The following ASTN2 variants were observed in gnomAD, a reference collection of about 807,000 sequenced individuals.
ASTN2 encodes astrotactin 2, also known as astrotactin-2.
In ASTN2, 54 loss-of-function variants were observed where a neutral mutation model predicts 139.8. The observed-to-expected ratio is 0.39, with a 90% CI of 0.31 to 0.48. The LOEUF (loss-of-function observed/expected upper bound fraction) is 0.48, where lower values mean the gene tolerates loss of function less well. Ranked by LOEUF, ASTN2 falls within the 20% of genes least tolerant of loss-of-function variation. ASTN2 has a pLI of 0.95. For synonymous variants in ASTN2, 756 were observed against 719.5 expected (o/e 1.05, Z -0.81); for missense variants, 1,565 against 1,725.1 (o/e 0.91, Z 1.64).
Position 116,679,765 on chromosome 9 carries a change from G to C in ASTN2, c.2807-27972C>G, listed in dbSNP as rs1859728784. ...CATGGAAACTGAACAACCTGCTCCT[G>C]AATGACTACTGGGTACATAACGAAA... On this transcript the variant is annotated intron_variant, in intron 16 of 22. Transcript: ENST00000313400. Among the ~76,000 whole-genome samples, 3 of 152,264 alleles carry C rather than the reference G, an allele frequency of 2.0e-5. No individual in the cohort carries two copies. In the South Asian group the frequency reaches 6.2e-4, roughly 32 times the overall value.
intron 2 of ASTN2, among the ~76,000 whole-genome samples, chr9:117,215,654 A>C (rs776432252): frequency 4.6e-5 from 7 of 152,028 alleles, no homozygotes; most frequent in Non-Finnish European, 1.0e-4. Context: ...TTTTCAAAAC[A>C]CGTCTGTAAT....
chr9:116,433,180 T>C (rs1179381090), intron 22 of ASTN2, among the ~76,000 whole-genome samples: 1 of 152,222 alleles, frequency 6.6e-6, no homozygotes, highest in Non-Finnish European at 1.5e-5. Context: ...AGAAATCTAG[T>C]TGGTTTTTAA....
At chr9:116,764,781 G>A (rs551486596) in intron 13 of ASTN2, among the ~76,000 whole-genome samples, 26 of 152,070 alleles carry the variant, frequency 1.7e-4, no homozygotes, top group South Asian at 4.2e-4. Context: ...TATAATTGTC[G>A]TCCTACATTT....
intron 17 of ASTN2, among the ~76,000 whole-genome samples, chr9:116,649,595 A>G (rs1350017181): frequency 6.7e-6 from 1 of 149,416 alleles, no homozygotes; most frequent in African/African-American, 2.5e-5. Flanking sequence ...AAAAATCTTT[A>G]GGACTTACTT....
intron 20 of ASTN2, among the ~76,000 whole-genome samples, chr9:116,476,930 C>T (rs140236154): frequency 4.7e-4 from 71 of 152,310 alleles, no homozygotes; most frequent in Non-Finnish European, 7.5e-4. Context: ...TCCTGGCTCC[C>T]CTCTGCCTGC....
intron 13 of ASTN2, among the ~76,000 whole-genome samples, chr9:116,795,046 G>A (rs1477488643): frequency 6.6e-6 from 1 of 152,124 alleles, no homozygotes; most frequent in Non-Finnish European, 1.5e-5. Context: ...GTGCAATCTC[G>A]GCTTACTGCA....
chr9:117,359,717 G>C (rs867908439), intron 1 of ASTN2, among the ~76,000 whole-genome samples: 2 of 152,106 alleles, frequency 1.3e-5, no homozygotes, highest in Admixed American at 6.5e-5. Flanking sequence ...AAAGAACACA[G>C]GAATTGAGGT....
At chr9:117,206,001 G>A (rs575636583) in intron 3 of ASTN2, among the ~76,000 whole-genome samples, 8 of 152,310 alleles carry the variant, frequency 5.3e-5, no homozygotes, top group African/African-American at 2.4e-5. Flanking sequence ...CAACATATGT[G>A]AAAAGGAGCA....
Position 116,650,847 on chromosome 9 carries a change from T to C in ASTN2, c.3072+681A>G, listed in dbSNP as rs928708790. ...TATGATGTGCAACCCTCCCTGTTCT[T>C]TCCCCTTCCACAGCAATTGTGGAAG... On this transcript the variant is annotated intron_variant, in intron 17 of 22. Coordinates refer to ENST00000313400, the MANE Select transcript of ASTN2 (RefSeq NM_001365068.1). 7.9e-5 allele frequency among the ~76,000 whole-genome samples: 12 copies of C among 152,076 alleles called. No homozygotes were observed. The East Asian group carries it at 2.3e-3, about 30-fold the overall frequency.
chr9:116,587,343 ATTT>A (rs1854198849), intron 19 of ASTN2, among the ~76,000 whole-genome samples: 2 of 106,394 alleles, frequency 1.9e-5, no homozygotes, highest in South Asian at 3.2e-4. Context: ...CCCATCTCAA[ATTT>A]AAAAAAAAAA....
chr9:117,316,900 G>A (rs1828161459), intron 1 of ASTN2, among the ~76,000 whole-genome samples: 1 of 152,298 alleles, frequency 6.6e-6, no homozygotes, highest in East Asian at 1.9e-4. Context: ...AAGATGCAGT[G>A]AGGCTGAATG....
chr9:117,133,451 G>A (rs1451359379), intron 4 of ASTN2, among the ~76,000 whole-genome samples: 1 of 152,142 alleles, frequency 6.6e-6, no homozygotes, highest in East Asian at 1.9e-4. Flanking sequence ...ATGCCATATA[G>A]CCTTTTAGAT....
At chr9:116,634,589 C>CAAAAAAAAAAA (rs57882262) in intron 17 of ASTN2, among the ~76,000 whole-genome samples, 2 of 104,238 alleles carry the variant, frequency 1.9e-5, no homozygotes, top group African/African-American at 3.9e-5. Flanking sequence ...GACTCCGTCT[C>CAAAAAAAAAAA]AAAAAAAAAA....
intron 10 of ASTN2, among the ~76,000 whole-genome samples, chr9:116,966,486 G>A (rs891933178): frequency 6.6e-6 from 1 of 152,130 alleles, no homozygotes; most frequent in Non-Finnish European, 1.5e-5. Flanking sequence ...AACAATGTTT[G>A]AAGAGATTTA....
Position 116,651,564 on chromosome 9 carries a change from T to C in ASTN2, c.3036A>G (p.Pro1012=). 6.2e-7 allele frequency: 1 copy of C among 1,614,138 alleles called. No homozygotes were observed. The change falls in exon 17 of 23, where the codon CCA becomes CCG. Residue 1012 remains proline (P), a synonymous_variant. Transcript: ENST00000313400. ...PVLLEINRVV[P]LYTLIQDNGT... ...CATTGTCTTGGATGAGGGTATAAAG[T>C]GGCACCACACGGTTGATTTCCAGCA...
intron 10 of ASTN2, among the ~76,000 whole-genome samples, chr9:116,934,125 C>T (rs938526478): frequency 1.3e-5 from 2 of 151,812 alleles, no homozygotes; most frequent in African/African-American, 2.4e-5. Context: ...TTAACAAAAC[C>T]ACACAGTGTG....
chr9:116,839,844 T>TTTTAATTTA (rs770383479), intron 11 of ASTN2, among the ~76,000 whole-genome samples: 2 of 135,624 alleles, frequency 1.5e-5, no homozygotes, highest in African/African-American at 5.6e-5. Flanking sequence ...CTGATTTTTT[T>TTTTAATTTA]ATTTTATTTT....
intron 13 of ASTN2, among the ~76,000 whole-genome samples, chr9:116,790,044 G>A (rs1468567298): frequency 6.7e-6 from 1 of 149,198 alleles, no homozygotes; most frequent in East Asian, 2.0e-4. Context: ...TCCTGCCTCA[G>A]CCTCCCGAGT....
intron 1 of ASTN2, among the ~76,000 whole-genome samples, chr9:117,363,363 C>T (rs1409059772): frequency 6.6e-6 from 1 of 152,184 alleles, no homozygotes; most frequent in African/African-American, 2.4e-5. Flanking sequence ...GTTCTCTCAA[C>T]AGCCCTGCAA....
Sources: gnomAD v4.1 joint callset for allele counts (sites outside exome capture counted in the v4.1 genomes callset) on GRCh38, gnomAD v4.1.1 for gene constraint, MANE v1.5 for transcripts, NCBI Gene and HGNC (gene_info 2026-07-23, HGNC 2026-07-21) for gene names.